The following CAMKMT variants were observed in gnomAD, a reference collection of about 807,000 sequenced individuals.
CAMKMT encodes the protein CaM KMT.
Under a neutral mutation model 48.0 loss-of-function variants are expected in CAMKMT, and 53 were observed. The ratio of observed to expected loss-of-function variants is 1.10; its 90% CI spans 0.89 to 1.39. CAMKMT has a LOEUF of 1.39. Among genes scored for constraint, CAMKMT ranks in the 40% most tolerant of loss-of-function variants. The pLI, the probability that CAMKMT is intolerant of heterozygous loss-of-function variation, is 0.00. For missense variants in CAMKMT, 428 were observed against 402.7 expected, an observed-to-expected ratio of 1.06 and a Z score of -0.54; for synonymous variants, 165 against 152.3, an observed-to-expected ratio of 1.08 and a Z score of -0.61.
chr2:44,749,187 C>T (rs1309160721), intron 8 of CAMKMT, among the ~76,000 whole-genome samples: 1 of 152,118 alleles, frequency 6.6e-6, no homozygotes, highest in East Asian at 1.9e-4. Context: ...TTCCATGGAA[C>T]CTGTGATGAC....
chr2:44,414,826 T>A (rs140264156), intron 3 of CAMKMT, among the ~76,000 whole-genome samples: 6 of 152,308 alleles, frequency 3.9e-5, no homozygotes, highest in Non-Finnish European at 8.8e-5. Context: ...CTGTCTAGCA[T>A]TTAGATTAGT....
chr2:44,392,505 A>G (rs1681444797), intron 3 of CAMKMT, among the ~76,000 whole-genome samples: 1 of 152,072 alleles, frequency 6.6e-6, no homozygotes, highest in African/African-American at 2.4e-5. Context: ...TGATTTTATT[A>G]TGCCAATAGT....
intron 3 of CAMKMT, among the ~76,000 whole-genome samples, chr2:44,400,171 G>C (rs1037863405): frequency 1.8e-4 from 27 of 151,992 alleles, no homozygotes; most frequent in Non-Finnish European, 3.5e-4. Flanking sequence ...ATAATGGAGA[G>C]GTAAATCTAA....
intron 2 of CAMKMT, among the ~76,000 whole-genome samples, chr2:44,385,891 G>T (rs1396426784): frequency 1.3e-5 from 2 of 152,090 alleles, no homozygotes; most frequent in African/African-American, 4.8e-5. Flanking sequence ...TTTTGTTAAA[G>T]ATTTCAACAT....
intron 3 of CAMKMT, among the ~76,000 whole-genome samples, chr2:44,420,022 A>G (rs1264081248): frequency 6.6e-6 from 1 of 152,216 alleles, no homozygotes; most frequent in East Asian, 1.9e-4. Context: ...TACTCATACA[A>G]GATTGCTGAT....
chr2:44,617,478 G>A (rs1223206432), intron 3 of CAMKMT, among the ~76,000 whole-genome samples: 1 of 152,190 alleles, frequency 6.6e-6, no homozygotes, highest in Non-Finnish European at 1.5e-5. Flanking sequence ...CTTAAAAACA[G>A]TCACAACATC....
intron 3 of CAMKMT, among the ~76,000 whole-genome samples, chr2:44,689,212 T>C (rs1300798582): frequency 6.6e-6 from 1 of 152,150 alleles, no homozygotes; most frequent in Non-Finnish European, 1.5e-5. Flanking sequence ...CTCCACTCCA[T>C]TGGCACATTG....
intron 3 of CAMKMT, among the ~76,000 whole-genome samples, chr2:44,419,883 T>C (rs1387162584): frequency 6.6e-6 from 1 of 152,144 alleles, no homozygotes; most frequent in African/African-American, 2.4e-5. Context: ...AAAAATTTTT[T>C]TTTTCTTCTG....
chr2:44,654,882 A>G (rs1364026001), intron 3 of CAMKMT, among the ~76,000 whole-genome samples: 2 of 152,236 alleles, frequency 1.3e-5, no homozygotes, highest in Admixed American at 6.5e-5. Context: ...AAATATTTCT[A>G]GGAACCATTC....
chr2:44,716,019 G>A (rs1678159634), intron 7 of CAMKMT, among the ~76,000 whole-genome samples: 1 of 152,194 alleles, frequency 6.6e-6, no homozygotes, highest in Admixed American at 6.5e-5. Context: ...GTTCTGTGAT[G>A]CTACATTTTA....
chr2:44,522,297 G>A (rs949200556), intron 3 of CAMKMT, among the ~76,000 whole-genome samples: 21 of 152,056 alleles, frequency 1.4e-4, no homozygotes, highest in Admixed American at 6.6e-5. Context: ...GAGCCACCGA[G>A]CCCGGCCCCT....
chr2:44,642,483 C>A (rs531814155), intron 3 of CAMKMT, among the ~76,000 whole-genome samples: 1 of 152,184 alleles, frequency 6.6e-6, no homozygotes, highest in Admixed American at 6.5e-5. Flanking sequence ...GTCTTTCATA[C>A]ACATTTATTG....
intron 3 of CAMKMT, among the ~76,000 whole-genome samples, chr2:44,399,396 A>G (rs1682149982): frequency 6.6e-6 from 1 of 152,140 alleles, no homozygotes. Flanking sequence ...TATGTGTGGG[A>G]TGAAAACCAC....
At chr2:44,386,187 A>C (rs774554951) in intron 2 of CAMKMT, among the ~76,000 whole-genome samples, 3 of 151,796 alleles carry the variant, frequency 2.0e-5, no homozygotes, top group Non-Finnish European at 2.9e-5. Context: ...TCTAATTCTC[A>C]TGCTTTACTG....
chr2:44,436,399 C>T (rs571773395), intron 3 of CAMKMT, among the ~76,000 whole-genome samples: 2 of 152,176 alleles, frequency 1.3e-5, no homozygotes, highest in African/African-American at 4.8e-5. Context: ...CACTTCAGAG[C>T]CTCTGCCTCC....
chr2:44,682,829 C>A (rs1230482611), intron 3 of CAMKMT, among the ~76,000 whole-genome samples: 1 of 152,106 alleles, frequency 6.6e-6, no homozygotes, highest in East Asian at 1.9e-4. Context: ...TCCCTAGACA[C>A]AACAATGTAA....
chr2:44,478,296 A>G (rs183003865), intron 3 of CAMKMT, among the ~76,000 whole-genome samples: 3 of 152,136 alleles, frequency 2.0e-5, no homozygotes, highest in Non-Finnish European at 2.9e-5. Context: ...TTCTAAGTCT[A>G]TATATTTTTT....
At chr2:44,760,427 A>C (rs2104398191) in intron 9 of CAMKMT, among the ~76,000 whole-genome samples, 1 of 152,000 alleles carries the variant, frequency 6.6e-6, no homozygotes, top group Middle Eastern at 3.4e-3. Flanking sequence ...TGGCTAACAC[A>C]GTGAAACCCC....
intron 3 of CAMKMT, among the ~76,000 whole-genome samples, chr2:44,401,564 T>A (rs866151433): frequency 2.1e-4 from 32 of 151,622 alleles, no homozygotes; most frequent in South Asian, 6.3e-4. Context: ...AAAAAAAAAA[T>A]AAAATAAAAT....
Sources: gnomAD v4.1 joint callset for allele counts (sites outside exome capture counted in the v4.1 genomes callset) on GRCh38, gnomAD v4.1.1 for gene constraint, MANE v1.5 for transcripts, NCBI Gene and HGNC (gene_info 2026-07-23, HGNC 2026-07-21) for gene names.